Variants in LOXHD1 observed in about 807,000 individuals in gnomAD.
The protein encoded by LOXHD1 is lipoxygenase homology PLAT domains 1.
Under a neutral mutation model 248.2 loss-of-function variants are expected in LOXHD1, and 205 were observed. The observed-to-expected ratio is 0.83, with a 90% CI of 0.74 to 0.93. LOXHD1 has a LOEUF of 0.93. Ranked by LOEUF, LOXHD1 falls within the 40% of genes least tolerant of loss-of-function variation. The pLI, the probability that LOXHD1 is intolerant of heterozygous loss-of-function variation, is 0.00. For missense variants in LOXHD1, 2,930 were observed against 2,971.6 expected (o/e 0.99, Z 0.33); for synonymous variants, 1,113 against 1,162.8 (o/e 0.96, Z 0.87).
intron 22 of LOXHD1, 43 bp downstream of exon 22, chr18:46,546,852 G>A (rs1290866978): frequency 4.6e-6 from 7 of 1,528,596 alleles, no homozygotes; most frequent in Non-Finnish European, 6.2e-6. Flanking sequence ...AGAGGCAGAG[G>A]GGAGGGGTGC....
At chr18:46,560,572 T>C (rs968335259) in intron 18 of LOXHD1, 27 bp from the exon 19 acceptor site, 109 of 1,502,824 alleles carry the variant, frequency 7.3e-5, no homozygotes, top group Non-Finnish European at 9.4e-5. Flanking sequence ...GCAGCGGCTG[T>C]CGTGGCCCCA....
chr18:46,619,194 C>T (rs933901242), intron 4 of LOXHD1, among the ~76,000 whole-genome samples: 1 of 152,158 alleles, frequency 6.6e-6, no homozygotes, highest in African/African-American at 2.4e-5. Flanking sequence ...CTTACAGTGG[C>T]TTCATATTTT....
chr18:46,646,001 T>C (rs895371812), intron 2 of LOXHD1, among the ~76,000 whole-genome samples: 1 of 152,136 alleles, frequency 6.6e-6, no homozygotes, highest in African/African-American at 2.4e-5. Flanking sequence ...TAATATTCCT[T>C]TTTAAGTTGT....
intron 21 of LOXHD1, among the ~76,000 whole-genome samples, chr18:46,548,079 A>G (rs1348649608): frequency 6.6e-6 from 1 of 152,174 alleles, no homozygotes; most frequent in African/African-American, 2.4e-5. Flanking sequence ...TGCTACTGCT[A>G]TTGTCGCTCT....
At chr18:46,598,019 G>A (rs1024875628) in intron 8 of LOXHD1, among the ~76,000 whole-genome samples, 12 of 151,192 alleles carry the variant, frequency 7.9e-5, no homozygotes, top group African/African-American at 2.7e-4. Flanking sequence ...TGCCCGCCTC[G>A]GCCTCCAAAA....
chr18:46,553,770 A>AAGAGAAATGAGGGGAAG (rs2037204956), intron 21 of LOXHD1, among the ~76,000 whole-genome samples: 1 of 152,164 alleles, frequency 6.6e-6, no homozygotes, highest in Non-Finnish European at 1.5e-5. Context: ...ATAAACAGAC[A>AAGAGAAATGAGGGGAAG]AGAGAAATGA....
At chr18:46,606,341 T>TACACAC (rs139309417) in intron 6 of LOXHD1, among the ~76,000 whole-genome samples, 6 of 150,448 alleles carry the variant, frequency 4.0e-5, no homozygotes, top group East Asian at 2.0e-4. Context: ...TGTATATATA[T>TACACAC]ACACACACAC....
At chr18:46,581,738 C>T (rs1035225126) in intron 12 of LOXHD1, among the ~76,000 whole-genome samples, 4 of 152,170 alleles carry the variant, frequency 2.6e-5, no homozygotes, top group Non-Finnish European at 5.9e-5. Flanking sequence ...AAGAGATCTA[C>T]ACCTAGACAT....
chr18:46,621,680 G>C (rs2144335707), intron 4 of LOXHD1, among the ~76,000 whole-genome samples: 1 of 152,190 alleles, frequency 6.6e-6, no homozygotes, highest in East Asian at 1.9e-4. Flanking sequence ...CCACATATGA[G>C]ATAGGGCTGC....
intron 18 of LOXHD1, 34 bp downstream of exon 18, chr18:46,563,031 G>T: frequency 5.9e-6 from 9 of 1,520,388 alleles, no homozygotes; most frequent in Non-Finnish European, 7.1e-6. Context: ...CACTGAGCCT[G>T]CTGTTGGCAC....
intron 38 of LOXHD1, among the ~76,000 whole-genome samples, chr18:46,488,161 A>G (rs2033201736): frequency 6.6e-6 from 1 of 152,114 alleles, no homozygotes; most frequent in African/African-American, 2.4e-5. Context: ...CAAGAGTGGG[A>G]GCATAGGGAG....
rs939845241 is a variant in LOXHD1, at chr18:46,485,031, C to G, written c.6170G>C (p.Arg2057Pro). 13 of 1,551,000 alleles carry G rather than the reference C, an allele frequency of 8.4e-6. No homozygotes were observed. Among genetic ancestry groups the G allele is most frequent in the Non-Finnish European group, 8.7e-7 (1 of 1,146,588 alleles). Reference protein sequence around the residue: ...EFLMENSSRQRAFRKGTTDTF... With the variant: ...EFLMENSSRQPAFRKGTTDTF... ...CTCCCCTTCCTACTTCCTAAAGGCC[C>G]GCTGCCTAGAAGAATTTTCCATGAG... The change falls in exon 39 of 41, where the codon CGG becomes CCG. Residue 2057 changes from arginine to proline, a missense_variant. Physicochemically the swap from Arg to Pro is moderately radical, Grantham distance 103. Coordinates refer to ENST00000642948, the MANE Select transcript of LOXHD1 (RefSeq NM_001384474.1).
At chr18:46,529,975 A>G (rs1443816354) in intron 28 of LOXHD1, among the ~76,000 whole-genome samples, 1 of 152,132 alleles carries the variant, frequency 6.6e-6, no homozygotes, top group Non-Finnish European at 1.5e-5. Context: ...ATTAAAAATT[A>G]TTACGAAAAA....
intron 40 of LOXHD1, among the ~76,000 whole-genome samples, chr18:46,480,734 A>T (rs1268363445): frequency 6.6e-6 from 1 of 152,226 alleles, no homozygotes; most frequent in Non-Finnish European, 1.5e-5. Context: ...ATAAGCACAC[A>T]TCTGTGAACA....
At chr18:46,507,480 C>A in intron 36 of LOXHD1, 58 bp downstream of exon 36, 1 of 1,544,606 alleles carries the variant, frequency 6.5e-7, no homozygotes, top group East Asian at 2.5e-5. Flanking sequence ...GGGCCTGAGC[C>A]CGAATTTGAC....
chr18:46,617,881 A>G (rs1294942821), intron 5 of LOXHD1, among the ~76,000 whole-genome samples: 3 of 152,228 alleles, frequency 2.0e-5, no homozygotes, highest in African/African-American at 7.2e-5. Context: ...AGATAGAGTA[A>G]GTGAGAATGA....
chr18:46,486,692 G>T (rs143159475), intron 38 of LOXHD1, among the ~76,000 whole-genome samples: 522 of 152,254 alleles, frequency 3.4e-3, no homozygotes, highest in African/African-American at 0.012. Context: ...GTCAGAATCA[G>T]TGAGGGAGGC....
intron 25 of LOXHD1, among the ~76,000 whole-genome samples, chr18:46,540,654 C>CTTTTTTTTTTTTTTT (rs60099172): frequency 5.5e-5 from 5 of 91,402 alleles, no homozygotes; most frequent in Admixed American, 1.5e-4. Flanking sequence ...AACTCTTTAT[C>CTTTTTTTTTTTTTTT]TTTTTTTTTT....
At chr18:46,606,877 AC>A (rs1239625448) in intron 6 of LOXHD1, among the ~76,000 whole-genome samples, 1 of 152,180 alleles carries the variant, frequency 6.6e-6, no homozygotes, top group Non-Finnish European at 1.5e-5. Context: ...ATTAAAAATT[AC>A]ACTGTAGCCA....
Sources: gnomAD v4.1 joint callset for allele counts (sites outside exome capture counted in the v4.1 genomes callset) on GRCh38, gnomAD v4.1.1 for gene constraint, MANE v1.5 for transcripts, NCBI Gene and HGNC (gene_info 2026-07-23, HGNC 2026-07-21) for gene names.